TSPAN11: variants seen among roughly 807,000 people sequenced by gnomAD.
TSPAN11 encodes the protein tetraspanin-11.
In TSPAN11, 29 loss-of-function variants were observed where a neutral mutation model predicts 32.9. That is an observed-to-expected ratio of 0.88 (90% CI 0.66 to 1.20). The LOEUF is 1.20. TSPAN11 is among the 50% of genes most tolerant of loss of function. TSPAN11 has a pLI of 0.00. For synonymous variants in TSPAN11, 140 were observed against 141.3 expected (o/e 0.99, Z 0.07); for missense variants, 283 against 329.1 (o/e 0.86, Z 1.08).
At chr12:31,007,577 C>T in the TSPAN11 span, among the ~76,000 whole-genome samples, 1 of 152,150 alleles carries the variant, frequency 6.6e-6, no homozygotes, top group Non-Finnish European at 1.5e-5. Flanking sequence ...ACTGGTGGCC[C>T]CCACCCCGAC....
chr12:30,927,840 G>A (rs573256134), intron 1 of TSPAN11, among the ~76,000 whole-genome samples: 1 of 152,270 alleles, frequency 6.6e-6, no homozygotes, highest in African/African-American at 2.4e-5. Flanking sequence ...TAGGTCATCT[G>A]GGGCTCAGTT....
At chr12:30,985,781 A>C (rs994111878) in intron 7 of TSPAN11, among the ~76,000 whole-genome samples, 2 of 152,262 alleles carry the variant, frequency 1.3e-5, no homozygotes, top group Non-Finnish European at 2.9e-5. Flanking sequence ...GCCGACGGTC[A>C]AGGTAAACCG....
At chr12:30,959,545 TGA>T (rs1414950314) in intron 2 of TSPAN11, among the ~76,000 whole-genome samples, 3 of 152,056 alleles carry the variant, frequency 2.0e-5, no homozygotes, top group Non-Finnish European at 4.4e-5. Context: ...TAATAGTGCC[TGA>T]GTTACTAGGT....
At chr12:30,928,354 A>C in intron 1 of TSPAN11, among the ~76,000 whole-genome samples, 1 of 152,160 alleles carries the variant, frequency 6.6e-6, no homozygotes, top group Non-Finnish European at 1.5e-5. Flanking sequence ...GGGAGATAGG[A>C]GATGAAGAAG....
rs181503626 is a variant in TSPAN11, at chr12:30,958,207, G to A, written c.84+4132G>A. Reference sequence around the variant, plus strand: ...TTGCTCTTGTTATAGGGGTAGATGGGACTGGGGAAGACAGCAGAGGAGGTA... The same window carrying A: ...TTGCTCTTGTTATAGGGGTAGATGGAACTGGGGAAGACAGCAGAGGAGGTA... On this transcript the variant is annotated intron_variant, in intron 2 of 7. Coordinates refer to ENST00000546076, the MANE Select transcript of TSPAN11 (RefSeq NM_001370302.1). Among the ~76,000 whole-genome samples the A allele has an allele frequency of 1.0e-3, 155 of 152,256 alleles. 1 individual carries two copies. The highest frequency in any genetic ancestry group is 3.6e-3 in the African/African-American group (151 of 41,532).
intron 1 of TSPAN11, among the ~76,000 whole-genome samples, chr12:30,930,292 C>T (rs1338678227): frequency 2.0e-5 from 3 of 152,200 alleles, no homozygotes; most frequent in Admixed American, 1.3e-4. Flanking sequence ...ACCCAGCCCC[C>T]GACCTCTGAG....
At chr12:30,988,815 G>T (rs1046016735) in intron 7 of TSPAN11, among the ~76,000 whole-genome samples, 1 of 152,178 alleles carries the variant, frequency 6.6e-6, no homozygotes, top group Admixed American at 6.5e-5. Context: ...TGACACAGCC[G>T]CTGTGGCAGA....
rs1319236065 is a variant in TSPAN11 at position 30,960,390 on chromosome 12, G to A, written c.85-3436G>A. Among the ~76,000 whole-genome samples the A allele has an allele frequency of 2.0e-5, 3 of 152,000 alleles. 1 individual carries two copies. Among genetic ancestry groups the A allele is most frequent in the African/African-American group, 4.8e-5 (2 of 41,266 alleles). On this transcript the variant is annotated intron_variant, in intron 2 of 7. Coordinates refer to ENST00000546076, the MANE Select transcript of TSPAN11 (RefSeq NM_001370302.1). ...AGGGTGGAGAACTCCCCTCCGCAGA[G>A]GATCCTTCCTTATTGGGATTCAAGT...
chr12:30,961,354 A>C (rs572945334), intron 2 of TSPAN11, among the ~76,000 whole-genome samples: 11 of 152,038 alleles, frequency 7.2e-5, no homozygotes, highest in African/African-American at 2.7e-4. Flanking sequence ...ATATGGTCCC[A>C]TCCAGTGCCC....
intron 2 of TSPAN11, among the ~76,000 whole-genome samples, chr12:30,963,355 A>G (rs1240120343): frequency 6.6e-6 from 1 of 152,208 alleles, no homozygotes; most frequent in South Asian, 2.1e-4. Context: ...TGCTTCCCCA[A>G]TGGGCAAACA....
intron 1 of TSPAN11, among the ~76,000 whole-genome samples, chr12:30,950,053 C>A (rs1938351076): frequency 6.6e-6 from 1 of 152,060 alleles, no homozygotes; most frequent in Non-Finnish European, 1.5e-5. Context: ...CCTGATGGGA[C>A]CTCCTCTCTA....
At chr12:31,008,117 T>TC in the TSPAN11 span, among the ~76,000 whole-genome samples, 41 of 10,554 alleles carry the variant, frequency 3.9e-3, no homozygotes, top group Middle Eastern at 0.14. Context: ...TTTTCTTTTT[T>TC]TTTTTTTTTT....
chr12:30,996,002 T>G lies in TSPAN11; in HGVS notation c.*4087T>G, dbSNP rs1216222810. On this transcript the variant is annotated 3_prime_UTR_variant, in exon 8 of 8. Transcript: ENST00000546076. Reference sequence around the variant, plus strand: ...CCATGAGTACCTCAGGCTGTCCAGCTGAGCTCCACCTGCAGCAGCCGAGAT... The same window carrying G: ...CCATGAGTACCTCAGGCTGTCCAGCGGAGCTCCACCTGCAGCAGCCGAGAT... The G allele has an allele frequency of 6.6e-6, 1 of 152,276 alleles. No individual in the cohort carries two copies. Among genetic ancestry groups the G allele is most frequent in the African/African-American group, 2.4e-5 (1 of 41,460 alleles). 9.4% of individuals were successfully genotyped at this position (152,276 alleles called of 1,614,324 possible).
rs1286588883 is a variant in TSPAN11 at position 30,975,804 on chromosome 12, T to C, written c.277-2757T>C. 6.6e-6 allele frequency among the ~76,000 whole-genome samples: 1 copy of C among 151,962 alleles called. No homozygotes were observed. Among genetic ancestry groups the C allele is most frequent in the African/African-American group, 2.4e-5 (1 of 41,348 alleles). ...AGGTGGAGAGATGCCAGGATGTGGC[T>C]CTCCTAGCTGCCAGCAGCCTGGGTG... On this transcript the variant is annotated intron_variant, in intron 3 of 7. Transcript: ENST00000546076. The surrounding 1 kb of genome is among the most constrained non-coding windows in gnomAD (Gnocchi z 4.5).
intron 4 of TSPAN11, chr12:30,978,846 C>A: frequency 1.8e-6 from 1 of 559,566 alleles, no homozygotes; most frequent in Non-Finnish European, 3.2e-6. Flanking sequence ...TGATGTCTTC[C>A]ACATGGGAGC....
intron 3 of TSPAN11, among the ~76,000 whole-genome samples, chr12:30,971,692 G>A (rs1938854090): frequency 6.6e-6 from 1 of 152,036 alleles, no homozygotes; most frequent in South Asian, 2.1e-4. Flanking sequence ...CGAGGCTGCA[G>A]TGAGCCATGA....
chr12:30,959,538 T>C (rs115471398), intron 2 of TSPAN11, among the ~76,000 whole-genome samples: 2,018 of 152,204 alleles, frequency 0.013, 44 homozygotes, highest in African/African-American at 0.046. Context: ...ACTCTGCTAA[T>C]AGTGCCTGAG....
chr12:30,957,645 C>G (rs1938511706), intron 2 of TSPAN11, among the ~76,000 whole-genome samples: 1 of 142,472 alleles, frequency 7.0e-6, no homozygotes, highest in Non-Finnish European at 1.5e-5. Context: ...CCCTCCCTCC[C>G]TCCCTCCCTT....
At chr12:30,991,815 TTC>T in intron 7 of TSPAN11, 39 bp from the exon 8 acceptor site, 1 of 1,612,126 alleles carries the variant, frequency 6.2e-7, no homozygotes, top group East Asian at 2.2e-5. Context: ...CTTCCAGGAG[TTC>T]TGATTTCTCT....
Sources: gnomAD v4.1 joint callset for allele counts (sites outside exome capture counted in the v4.1 genomes callset) on GRCh38, gnomAD v4.1.1 for gene constraint, Gnocchi (gnomAD v3.1) non-coding constraint, MANE v1.5 for transcripts, NCBI Gene and HGNC (gene_info 2026-07-23, HGNC 2026-07-21) for gene names.